CLNK: variants seen among roughly 807,000 people sequenced by gnomAD.
CLNK encodes cytokine dependent hematopoietic cell linker.
Under a neutral mutation model 68.6 loss-of-function variants are expected in CLNK, and 74 were observed. The observed-to-expected ratio is 1.08, with a 90% CI of 0.89 to 1.31. CLNK has a LOEUF of 1.31. CLNK is among the 50% of genes most tolerant of loss of function. The pLI, the probability that CLNK is intolerant of heterozygous loss-of-function variation, is 0.00. For synonymous variants in CLNK, 198 were observed against 172.2 expected (o/e 1.15, Z -1.17); for missense variants, 553 against 515.3 (o/e 1.07, Z -0.71).
intron 18 of CLNK, among the ~76,000 whole-genome samples, chr4:10,491,378 T>C (rs1375458973): frequency 1.4e-5 from 1 of 70,386 alleles, no homozygotes; most frequent in African/African-American, 4.1e-5. Context: ...GGCTCGAATG[T>C]AGTAAATTGG....
chr4:10,729,416 T>C, the CLNK span, among the ~76,000 whole-genome samples: 1 of 152,152 alleles, frequency 6.6e-6, no homozygotes, highest in African/African-American at 2.4e-5. Flanking sequence ...CTACTGAGTA[T>C]CTACCCAAAA....
At chr4:10,655,183 C>A (rs61796835) in intron 2 of CLNK, among the ~76,000 whole-genome samples, 63,390 of 150,760 alleles carry the variant, frequency 0.42, 14,192 homozygotes, top group Non-Finnish European at 0.51. Flanking sequence ...AACATTGTGG[C>A]ATTATGTTGA....
chr4:10,628,932 G>A (rs61796790), intron 2 of CLNK, among the ~76,000 whole-genome samples: 6,268 of 152,256 alleles, frequency 0.041, 188 homozygotes, highest in Middle Eastern at 0.099. Context: ...ACACACCTGG[G>A]CAGACTTTTG....
chr4:10,610,480 T>TC (rs1406484484), intron 2 of CLNK, among the ~76,000 whole-genome samples: 10 of 152,046 alleles, frequency 6.6e-5, no homozygotes, highest in Middle Eastern at 3.4e-3. Flanking sequence ...AAAAGCTTTT[T>TC]CCCCCCTCTT....
At chr4:10,584,725 C>A (rs901553245) in intron 4 of CLNK, among the ~76,000 whole-genome samples, 1 of 152,188 alleles carries the variant, frequency 6.6e-6, no homozygotes, top group African/African-American at 2.4e-5. Context: ...GATTCCCATC[C>A]AGCCACCCAG....
intron 11 of CLNK, among the ~76,000 whole-genome samples, chr4:10,535,213 G>GAGAAAAGAAAGAAAGAA (rs1553847857): frequency 7.6e-6 from 1 of 131,298 alleles, no homozygotes; most frequent in Non-Finnish European, 1.6e-5. Context: ...AAGAAAGAAA[G>GAGAAAAGAAAGAAAGAA]AGAAAGAAAG....
chr4:10,577,206 C>T (rs1015055339), intron 4 of CLNK, among the ~76,000 whole-genome samples: 3 of 152,208 alleles, frequency 2.0e-5, no homozygotes, highest in African/African-American at 7.2e-5. Context: ...CCAAGCAAAA[C>T]CAGCTTCCGG....
chr4:10,519,840 T>C (rs1717985966), intron 15 of CLNK, among the ~76,000 whole-genome samples: 3 of 152,160 alleles, frequency 2.0e-5, no homozygotes, highest in Non-Finnish European at 2.9e-5. Context: ...TGTGTGTGTG[T>C]GCAAATATTA....
chr4:10,610,203 C>T (rs1180375862), intron 2 of CLNK, among the ~76,000 whole-genome samples: 1 of 150,212 alleles, frequency 6.7e-6, no homozygotes, highest in Non-Finnish European at 1.5e-5. Flanking sequence ...ACTACAGGCG[C>T]CCGCCACTGC....
At chr4:10,589,772 G>A (rs577611989) in intron 3 of CLNK, among the ~76,000 whole-genome samples, 1 of 152,338 alleles carries the variant, frequency 6.6e-6, no homozygotes, top group South Asian at 2.1e-4. Context: ...TTAACACTCT[G>A]CAACTTGACA....
At chr4:10,703,629 T>G in the CLNK span, among the ~76,000 whole-genome samples, 1 of 152,184 alleles carries the variant, frequency 6.6e-6, no homozygotes, top group Non-Finnish European at 1.5e-5. Flanking sequence ...AAATGTGTCA[T>G]TAGGCGATTT....
At position 10,513,561 on chromosome 4, in the gene CLNK, C is replaced by A; in HGVS notation, c.809G>T (p.Arg270Ile). The change falls in exon 16 of 19, where the codon AGA (arginine) becomes ATA (isoleucine). Residue 270 changes from arginine to isoleucine, a missense_variant. Transcript: ENST00000226951. ...GCTGCAGCTGGCTGGAGGCTGGCATCTCTGAGGAGAACAGGGCTGCATGCC... is the reference window on the plus strand; with the variant it reads ...GCTGCAGCTGGCTGGAGGCTGGCATATCTGAGGAGAACAGGGCTGCATGCC... The part of the protein sequence containing the change: ...RGGMQPCSPQ[R>I]CQPPASCSPH... 1 of 1,607,680 alleles carries A rather than the reference C, an allele frequency of 6.2e-7. No individual in the cohort carries two copies. The highest frequency in any genetic ancestry group is 2.2e-5 in the East Asian group (1 of 44,754).
intron 2 of CLNK, among the ~76,000 whole-genome samples, chr4:10,658,199 AT>A (rs1235159409): frequency 6.6e-6 from 1 of 152,166 alleles, no homozygotes; most frequent in African/African-American, 2.4e-5. Context: ...AGGACCTCTT[AT>A]TAGCATCCTG....
At chr4:10,643,346 G>A (rs1226264037) in intron 2 of CLNK, among the ~76,000 whole-genome samples, 1 of 152,198 alleles carries the variant, frequency 6.6e-6, no homozygotes, top group Admixed American at 6.5e-5. Flanking sequence ...ACTCTGAACC[G>A]GGGTTGGTGT....
intron 1 of CLNK, among the ~76,000 whole-genome samples, chr4:10,679,614 C>A (rs1318457705): frequency 1.3e-5 from 2 of 152,120 alleles, no homozygotes; most frequent in African/African-American, 4.8e-5. Context: ...GCAATCTACT[C>A]ATCTGACAAA....
At chr4:10,585,360 G>C (rs1320273376) in intron 3 of CLNK, among the ~76,000 whole-genome samples, 2 of 152,214 alleles carry the variant, frequency 1.3e-5, no homozygotes, top group Non-Finnish European at 2.9e-5. Context: ...ACTATAAACA[G>C]ATGGTAGCCT....
chr4:10,703,099 G>A, the CLNK span, among the ~76,000 whole-genome samples: 3 of 152,186 alleles, frequency 2.0e-5, no homozygotes, highest in African/African-American at 4.8e-5. Flanking sequence ...TCAATTAGAT[G>A]TAGTATGCAC....
the CLNK span, among the ~76,000 whole-genome samples, chr4:10,704,970 T>C: frequency 1.3e-5 from 2 of 152,256 alleles, no homozygotes; most frequent in Non-Finnish European, 2.9e-5. Context: ...GGCATCTGAG[T>C]GCTGAGAGGC....
chr4:10,536,474 G>A lies in CLNK; in HGVS notation c.602+4020C>T, dbSNP rs372392372. Among the ~76,000 whole-genome samples, 14 of 152,180 alleles carry A rather than the reference G, an allele frequency of 9.2e-5. No homozygotes were observed. The East Asian group carries it at 1.5e-3, about 17-fold the overall frequency. On this transcript the variant is annotated intron_variant, in intron 11 of 18. Coordinates refer to ENST00000226951, the MANE Select transcript of CLNK (RefSeq NM_052964.4). ...CAGAGGCAAAGCCATGTCATTTATC[G>A]TGGTATCCCCAGTGTCTCCTATGGG...
Sources: allele counts gnomAD v4.1 joint callset (sites outside exome capture counted in the v4.1 genomes callset), GRCh38; gene constraint gnomAD v4.1.1; transcripts MANE v1.5; gene names NCBI Gene and HGNC (gene_info 2026-07-23, HGNC 2026-07-21).